Variants in MVB12B observed in about 807,000 individuals in gnomAD.
MVB12B encodes the protein multivesicular body subunit 12B.
Under a neutral mutation model 41.6 loss-of-function variants are expected in MVB12B, and 16 were observed. The observed-to-expected ratio is 0.38, with a 90% CI of 0.26 to 0.58. MVB12B has a LOEUF of 0.58. Among genes scored for constraint, MVB12B ranks in the 20% least tolerant of loss-of-function variants. The pLI is 0.62. For synonymous variants in MVB12B, 133 were observed against 139.7 expected, an observed-to-expected ratio of 0.95 and a Z score of 0.34; for missense variants, 274 against 380.2, an observed-to-expected ratio of 0.72 and a Z score of 2.32.
intron 7 of MVB12B, among the ~76,000 whole-genome samples, chr9:126,443,648 A>G (rs1183555866): frequency 2.0e-5 from 3 of 152,224 alleles, no homozygotes; most frequent in South Asian, 2.1e-4. Flanking sequence ...CACTTTTTCT[A>G]TGCCATATGT....
chr9:126,482,547 C>T (rs927341761), intron 8 of MVB12B, among the ~76,000 whole-genome samples: 7 of 152,224 alleles, frequency 4.6e-5, no homozygotes, highest in African/African-American at 7.2e-5. Flanking sequence ...GCCGCCGTTC[C>T]CTGGGAGAGG....
intron 9 of MVB12B, among the ~76,000 whole-genome samples, chr9:126,494,408 T>A (rs1833790030): frequency 6.6e-6 from 1 of 152,192 alleles, no homozygotes; most frequent in Non-Finnish European, 1.5e-5. Context: ...AGAACCAGGC[T>A]GAGCCTGCAG....
intron 6 of MVB12B, among the ~76,000 whole-genome samples, chr9:126,416,766 G>A (rs750072123): frequency 6.6e-6 from 1 of 152,110 alleles, no homozygotes; most frequent in Non-Finnish European, 1.5e-5. Context: ...ACCTAAAAAG[G>A]TTGTTGAGGT....
rs1830622337 is a variant in MVB12B, at chr9:126,381,057, G to C, written c.205-7G>C. Reference sequence around the variant, plus strand: ...CTGCAATCCTTTTCTCTGTCTCTCCGGTGTAGGTTGCACAGACAGCAGATG... The same window carrying C: ...CTGCAATCCTTTTCTCTGTCTCTCCCGTGTAGGTTGCACAGACAGCAGATG... On this transcript the variant is annotated splice_region_variant and splice_polypyrimidine_tract_variant and intron_variant, in intron 2 of 9. Coordinates refer to ENST00000361171, the MANE Select transcript of MVB12B (RefSeq NM_033446.3). The C allele has an allele frequency of 6.2e-7, 1 of 1,612,392 alleles. No homozygotes were observed. Among genetic ancestry groups the C allele is most frequent in the Non-Finnish European group, 8.5e-7 (1 of 1,178,516 alleles).
intron 2 of MVB12B, among the ~76,000 whole-genome samples, chr9:126,344,870 T>C (rs1829546713): frequency 6.6e-6 from 1 of 152,198 alleles, no homozygotes; most frequent in African/African-American, 2.4e-5. Context: ...ACACACATCC[T>C]TTAATTGGGA....
chr9:126,464,953 A>G (rs1372102556), intron 7 of MVB12B, among the ~76,000 whole-genome samples: 1 of 152,190 alleles, frequency 6.6e-6, no homozygotes, highest in Non-Finnish European at 1.5e-5. Flanking sequence ...TCCCTTAGAC[A>G]GATGCTCTCG....
chr9:126,455,084 G>A (rs1311550452), intron 7 of MVB12B, among the ~76,000 whole-genome samples: 1 of 152,216 alleles, frequency 6.6e-6, no homozygotes, highest in African/African-American at 2.4e-5. Flanking sequence ...CCTTAAAGGT[G>A]AGCGGGCTTC....
At chr9:126,335,430 A>C in intron 1 of MVB12B, 1 of 1,302,540 alleles carries the variant, frequency 7.7e-7, no homozygotes, top group Non-Finnish European at 1.0e-6. Context: ...AACTTTCTGT[A>C]AGGAGGTGGC....
chr9:126,479,538 G>T (rs150915997), intron 7 of MVB12B, among the ~76,000 whole-genome samples: 1 of 152,220 alleles, frequency 6.6e-6, no homozygotes, highest in African/African-American at 2.4e-5. Context: ...AATGCGGGAC[G>T]TACTGAGTGA....
At chr9:126,384,794 A>G (rs1373596987) in intron 3 of MVB12B, among the ~76,000 whole-genome samples, 1 of 151,464 alleles carries the variant, frequency 6.6e-6, no homozygotes, top group African/African-American at 2.4e-5. Context: ...CGGCCTCCCA[A>G]AGTGCTTGGA....
Position 126,392,142 on chromosome 9 carries a change from C to T in MVB12B, c.486C>T (p.Asp162=). 1 of 1,614,224 alleles carries T rather than the reference C, an allele frequency of 6.2e-7. No individual in the cohort carries two copies. The change falls in exon 5 of 10, where the codon GAC becomes GAT. Residue 162 remains aspartate, a synonymous_variant. Transcript: ENST00000361171. This position sits in a 1 kb window ranked among gnomAD's most constrained non-coding sequence, Gnocchi z 4.8. ...PRDSTEAAIC[D]IRIMGRTKQA... ...ATTCAACGGAAGCTGCGATTTGTGA[C>T]ATTCGGATCATGGGCCGGACCAAGC...
At chr9:126,382,546 G>A (rs1830666656) in intron 3 of MVB12B, among the ~76,000 whole-genome samples, 1 of 152,178 alleles carries the variant, frequency 6.6e-6, no homozygotes, top group African/African-American at 2.4e-5. Flanking sequence ...CAAGGGCACT[G>A]AGATCTTATA....
rs562949809 is a variant in MVB12B at position 126,395,434 on chromosome 9, G to C, written c.540-141G>C. 4 of 1,004,062 alleles carry C rather than the reference G, an allele frequency of 4.0e-6. No individual in the cohort carries two copies. The highest frequency in any genetic ancestry group is 5.0e-5 in the East Asian group (2 of 40,152). 62.2% of individuals were successfully genotyped at this position (1,004,062 alleles called of 1,614,324 possible). Reference sequence around the variant, plus strand: ...CACCCAGAGCACAAAGGAGACGGTGGAACCCATTTCACGTGGAGGGCAAGA... The same window carrying C: ...CACCCAGAGCACAAAGGAGACGGTGCAACCCATTTCACGTGGAGGGCAAGA... On this transcript the variant is annotated intron_variant, in intron 5 of 9. Transcript: ENST00000361171. The surrounding 1 kb of genome is among the most constrained non-coding windows in gnomAD (Gnocchi z 4.9).
chr9:126,473,394 A>G lies in MVB12B; in HGVS notation c.758-7975A>G, dbSNP rs531486648. On this transcript the variant is annotated intron_variant, in intron 7 of 9. Transcript: ENST00000361171. The surrounding 1 kb of genome is among the most constrained non-coding windows in gnomAD (Gnocchi z 4.0). ...CTCTAAGCCTTGCAAGTGGTGTATT[A>G]GTTCATTCTTGCGTTACTATAAAGA... 6.6e-6 allele frequency among the ~76,000 whole-genome samples: 1 copy of G among 152,360 alleles called. No homozygotes were observed. The highest frequency in any genetic ancestry group is 1.9e-4 in the East Asian group (1 of 5,188).
At chr9:126,418,251 A>G (rs1305679514) in intron 6 of MVB12B, among the ~76,000 whole-genome samples, 1 of 152,214 alleles carries the variant, frequency 6.6e-6, no homozygotes, top group Non-Finnish European at 1.5e-5. Context: ...CAAGCCAGGC[A>G]AAATCTGAGG....
intron 2 of MVB12B, among the ~76,000 whole-genome samples, chr9:126,341,721 C>T (rs182109050): frequency 1.3e-5 from 2 of 152,332 alleles, no homozygotes; most frequent in African/African-American, 4.8e-5. Flanking sequence ...CATTCCTGGC[C>T]TCTCCTTAGT....
At chr9:126,428,024 C>T (rs899052222) in intron 7 of MVB12B, among the ~76,000 whole-genome samples, 5 of 150,778 alleles carry the variant, frequency 3.3e-5, no homozygotes, top group Admixed American at 6.6e-5. Flanking sequence ...CAGCTGTTTG[C>T]TTTTTAAAAA....
chr9:126,330,577 A>G (rs777558909), intron 1 of MVB12B, among the ~76,000 whole-genome samples: 3 of 152,060 alleles, frequency 2.0e-5, no homozygotes, highest in Non-Finnish European at 4.4e-5. Flanking sequence ...GAAATTAGAG[A>G]CCTACAGTTC....
At chr9:126,338,467 C>G (rs957124835) in intron 1 of MVB12B, among the ~76,000 whole-genome samples, 5 of 152,144 alleles carry the variant, frequency 3.3e-5, no homozygotes, top group Non-Finnish European at 7.3e-5. Flanking sequence ...AATGAATCCA[C>G]CAGCAAATAA....
Sources: allele counts gnomAD v4.1 joint callset (sites outside exome capture counted in the v4.1 genomes callset), GRCh38; gene constraint gnomAD v4.1.1; non-coding constraint Gnocchi (gnomAD v3.1); transcripts MANE v1.5; gene names NCBI Gene and HGNC (gene_info 2026-07-23, HGNC 2026-07-21).